The following HLCS variants were observed in gnomAD, a reference collection of about 807,000 sequenced individuals.
The protein encoded by HLCS is biotin--protein ligase.
HLCS carries 53 observed loss-of-function variants against 75.0 expected under a neutral mutation model. The observed-to-expected ratio is 0.71, with a 90% CI of 0.57 to 0.89. The LOEUF is 0.89. Among genes scored for constraint, HLCS ranks in the 40% least tolerant of loss-of-function variants. The pLI, the probability that HLCS is intolerant of heterozygous loss-of-function variation, is 0.00. For synonymous variants in HLCS, 431 were observed against 428.6 expected, an observed-to-expected ratio of 1.01 and a Z score of -0.07; for missense variants, 966 against 1,074.0, an observed-to-expected ratio of 0.90 and a Z score of 1.41.
intron 6 of HLCS, among the ~76,000 whole-genome samples, chr21:36,844,894 G>A (rs2062742768): frequency 6.6e-6 from 1 of 152,186 alleles, no homozygotes; most frequent in Non-Finnish European, 1.5e-5. Flanking sequence ...TGGTGAAACA[G>A]ATGTTGGAGA....
chr21:36,767,527 C>T (rs574007666), intron 6 of HLCS, among the ~76,000 whole-genome samples: 16 of 152,188 alleles, frequency 1.1e-4, no homozygotes, highest in African/African-American at 2.2e-4. Flanking sequence ...AAAGAGCATG[C>T]GAGGGGGCGT....
intron 1 of HLCS, among the ~76,000 whole-genome samples, 196 bp from the exon 2 acceptor site, chr21:36,962,366 C>T (rs1408590248): frequency 2.6e-5 from 4 of 152,168 alleles, no homozygotes; most frequent in African/African-American, 9.7e-5. Context: ...TGCAAAAGCC[C>T]ATCGATGACT....
intron 6 of HLCS, among the ~76,000 whole-genome samples, chr21:36,865,605 C>T (rs564195993): frequency 8.7e-4 from 133 of 152,214 alleles, no homozygotes; most frequent in Non-Finnish European, 1.4e-3. Flanking sequence ...GTCTTTGTAC[C>T]GTTTTGTTAT....
At chr21:36,825,404 ATTG>A (rs1201522060) in intron 6 of HLCS, among the ~76,000 whole-genome samples, 1 of 151,630 alleles carries the variant, frequency 6.6e-6, no homozygotes, top group African/African-American at 2.4e-5. Flanking sequence ...AATAATAATA[ATTG>A]TTATTATTAT....
In HLCS at chr21:36,872,266, CA is replaced by C. The variant is rs965457362; in HGVS notation, c.1892+24593del. Among the ~76,000 whole-genome samples the C allele has an allele frequency of 2.0e-5, 3 of 151,610 alleles. No individual in the cohort carries two copies. In the East Asian group the frequency reaches 5.8e-4, roughly 30 times the overall value. ...TGAAACCCCGTCTCTACTAAAAATA[CA>C]AAAAAATTAGCCAGGCGTGGTGGCG... On this transcript the variant is annotated intron_variant, in intron 6 of 10. Coordinates refer to ENST00000674895, the MANE Select transcript of HLCS (RefSeq NM_001352514.2).
intron 10 of HLCS, among the ~76,000 whole-genome samples, chr21:36,755,262 C>T (rs889751728): frequency 7.3e-5 from 11 of 151,612 alleles, no homozygotes; most frequent in East Asian, 3.9e-4. Flanking sequence ...ATTAGCGGGC[C>T]GTGTGGCACA....
At chr21:36,795,604 G>A (rs1382663315) in intron 6 of HLCS, among the ~76,000 whole-genome samples, 1 of 152,188 alleles carries the variant, frequency 6.6e-6, no homozygotes, top group Admixed American at 6.5e-5. Flanking sequence ...TACAGCTCAA[G>A]AAATATGCAA....
intron 1 of HLCS, among the ~76,000 whole-genome samples, chr21:36,965,784 T>G (rs1340435320): frequency 6.7e-6 from 1 of 149,644 alleles, no homozygotes; most frequent in Non-Finnish European, 1.5e-5. Context: ...CAGACTGGAG[T>G]GCAATGGCTC....
intron 2 of HLCS, among the ~76,000 whole-genome samples, chr21:36,941,009 C>T (rs1180280475): frequency 6.6e-6 from 1 of 152,216 alleles, no homozygotes; most frequent in African/African-American, 2.4e-5. Flanking sequence ...CTCAGGAGTT[C>T]ATGACTAGCC....
At chr21:36,771,988 C>T (rs2060222280) in intron 6 of HLCS, among the ~76,000 whole-genome samples, 1 of 149,408 alleles carries the variant, frequency 6.7e-6, no homozygotes, top group Admixed American at 6.7e-5. Context: ...AACATAGAGA[C>T]TCCAACTCAA....
At chr21:36,928,133 G>A (rs911808473) in intron 5 of HLCS, among the ~76,000 whole-genome samples, 3 of 152,202 alleles carry the variant, frequency 2.0e-5, no homozygotes, top group African/African-American at 7.2e-5. Flanking sequence ...CCTCCGGAAA[G>A]ACCACCTCAG....
At chr21:36,783,528 T>C (rs2060594833) in intron 6 of HLCS, among the ~76,000 whole-genome samples, 1 of 152,156 alleles carries the variant, frequency 6.6e-6, no homozygotes, top group African/African-American at 2.4e-5. Flanking sequence ...GATGGAGAGA[T>C]TTCATTTTCT....
At chr21:36,963,820 C>T (rs11701986) in intron 1 of HLCS, among the ~76,000 whole-genome samples, 92,866 of 152,196 alleles carry the variant, frequency 0.61, 28,637 homozygotes, top group East Asian at 0.75. Context: ...AAGCTTGATA[C>T]TGCCAATTTG....
chr21:36,940,080 G>T (rs764659476), intron 2 of HLCS, among the ~76,000 whole-genome samples: 4 of 152,048 alleles, frequency 2.6e-5, no homozygotes, highest in Non-Finnish European at 5.9e-5. Flanking sequence ...TAATTTAAAG[G>T]TTGGTTGTGT....
intron 6 of HLCS, among the ~76,000 whole-genome samples, chr21:36,788,468 A>C (rs1181170212): frequency 6.6e-6 from 1 of 152,372 alleles, no homozygotes; most frequent in South Asian, 2.1e-4. Context: ...AACAGAGCTT[A>C]ACATTCTAAC....
At chr21:36,771,163 T>C (rs1202691914) in intron 6 of HLCS, among the ~76,000 whole-genome samples, 1 of 152,024 alleles carries the variant, frequency 6.6e-6, no homozygotes, top group Admixed American at 6.6e-5. Context: ...GAGATTGCAG[T>C]GAGCCAAGGT....
chr21:36,761,673 C>T (rs1266582566), intron 8 of HLCS, among the ~76,000 whole-genome samples: 1 of 152,154 alleles, frequency 6.6e-6, no homozygotes, highest in African/African-American at 2.4e-5. Context: ...GACAAACATG[C>T]CAGGGCCCAC....
intron 6 of HLCS, among the ~76,000 whole-genome samples, chr21:36,787,313 C>T (rs889246604): frequency 1.3e-5 from 2 of 152,258 alleles, no homozygotes; most frequent in East Asian, 1.9e-4. Flanking sequence ...CACTCCAGCA[C>T]GGCCTCTGTT....
At chr21:36,898,057 T>G (rs2065083564) in intron 5 of HLCS, among the ~76,000 whole-genome samples, 1 of 152,162 alleles carries the variant, frequency 6.6e-6, no homozygotes, top group Non-Finnish European at 1.5e-5. Flanking sequence ...GAGATGAAAC[T>G]TAATTCAACT....
Sources: allele counts gnomAD v4.1 joint callset (sites outside exome capture counted in the v4.1 genomes callset), GRCh38; gene constraint gnomAD v4.1.1; transcripts MANE v1.5; gene names NCBI Gene and HGNC (gene_info 2026-07-23, HGNC 2026-07-21).